Variants in LYAR observed in about 807,000 individuals in gnomAD.
LYAR encodes the protein Ly1 antibody reactive.
A neutral mutation model predicts 45.2 loss-of-function variants in LYAR; 37 were observed. That is an observed-to-expected ratio of 0.82 (90% CI 0.63 to 1.08). The LOEUF is 1.08. Among genes scored for constraint, LYAR ranks in the 50% least tolerant of loss-of-function variants. The probability of loss-of-function intolerance (pLI) is 0.00; values close to 1 mark genes in which losing one functional copy is unlikely to be tolerated. For synonymous variants in LYAR, 176 were observed against 155.1 expected (o/e 1.14, Z -1.00); for missense variants, 493 against 451.0 (o/e 1.09, Z -0.84).
At chr4:4,274,799 T>C (rs1022672738) in intron 6 of LYAR, 30 bp from the exon 7 acceptor site, 28 of 1,565,408 alleles carry the variant, frequency 1.8e-5, no homozygotes, top group Non-Finnish European at 2.3e-5. Context: ...AAGAAACACA[T>C]ATTCATTTTA....
At chr4:4,288,486 CTTT>C (rs11338207) in intron 1 of LYAR, among the ~76,000 whole-genome samples, 3 of 121,012 alleles carry the variant, frequency 2.5e-5, no homozygotes, top group Admixed American at 8.2e-5. Flanking sequence ...AATTTTTTTT[CTTT>C]TTTTTTTTTT....
intron 2 of LYAR, among the ~76,000 whole-genome samples, chr4:4,284,051 C>T (rs1400800335): frequency 6.6e-6 from 1 of 152,226 alleles, no homozygotes; most frequent in Non-Finnish European, 1.5e-5. Flanking sequence ...TCAATCCCCG[C>T]AGTAACCCTA....
chr4:4,270,534 TA>T (rs201602225), intron 8 of LYAR, among the ~76,000 whole-genome samples: 1,102 of 109,504 alleles, frequency 0.01, 6 homozygotes, highest in South Asian at 0.029. Context: ...TCTCAACAGT[TA>T]AAAAAAAAAA....
chr4:4,276,852 G>A (rs778736126), intron 6 of LYAR, among the ~76,000 whole-genome samples: 3 of 152,006 alleles, frequency 2.0e-5, no homozygotes, highest in African/African-American at 4.8e-5. Flanking sequence ...GTGAGACTCC[G>A]TCTCAAAAGA....
chr4:4,276,462 G>C (rs1160804285), intron 6 of LYAR, among the ~76,000 whole-genome samples: 2 of 151,622 alleles, frequency 1.3e-5, no homozygotes, highest in Admixed American at 1.3e-4. Context: ...AGAATCACTT[G>C]AACCCGGAAG....
At chr4:4,268,140 C>G (rs924680416) in intron 9 of LYAR, 117 bp from the exon 10 acceptor site, 2 of 943,256 alleles carry the variant, frequency 2.1e-6, no homozygotes, top group Non-Finnish European at 1.5e-6. Flanking sequence ...CAGGAGCAAG[C>G]GACACCGGCG....
intron 6 of LYAR, among the ~76,000 whole-genome samples, chr4:4,276,755 G>T (rs1331597094): frequency 6.6e-6 from 1 of 151,626 alleles, no homozygotes; most frequent in African/African-American, 2.4e-5. Context: ...TACTCGGGGG[G>T]CTGGGACAGG....
At chr4:4,286,236 C>T (rs550946357) in intron 2 of LYAR, among the ~76,000 whole-genome samples, 400 of 152,274 alleles carry the variant, frequency 2.6e-3, no homozygotes, top group Non-Finnish European at 4.7e-3. Context: ...GACAGTCCAG[C>T]ACCTTGATTA....
At chr4:4,273,503 C>G in intron 8 of LYAR, 80 bp downstream of exon 8, 1 of 997,438 alleles carries the variant, frequency 1.0e-6, no homozygotes, top group Non-Finnish European at 1.6e-6. Context: ...ACCCTCCTGC[C>G]CCTGCCTCTG....
At chr4:4,282,413 A>T (rs79579682) in intron 3 of LYAR, among the ~76,000 whole-genome samples, 2,751 of 152,294 alleles carry the variant, frequency 0.018, 73 homozygotes, top group African/African-American at 0.061. Context: ...GGGGTTCTTC[A>T]GGGAAATGTT....
chr4:4,288,199 C>T lies in LYAR; in HGVS notation c.-107-1627G>A, dbSNP rs527713610. Among the ~76,000 whole-genome samples, 15 of 152,274 alleles carry T rather than the reference C, an allele frequency of 9.9e-5. 1 individual carries two copies. In the South Asian group the frequency reaches 2.9e-3, roughly 29 times the overall value. On this transcript the variant is annotated intron_variant, in intron 1 of 9. Transcript: ENST00000343470. The stretch of plus-strand genomic sequence containing the variant: ...TTAAATAAGACACCAGATATGAAAG[C>T]TTCATCCCTGCCCAATTGTAGAAAG...
chr4:4,284,502 C>G (rs1237557117), intron 2 of LYAR, among the ~76,000 whole-genome samples: 2 of 152,152 alleles, frequency 1.3e-5, no homozygotes, highest in Non-Finnish European at 2.9e-5. Flanking sequence ...GCTTGTCAGA[C>G]AAGTCAGAAA....
In LYAR at chr4:4,274,362, C is replaced by T. The variant is rs747219981; in HGVS notation, c.832+5G>A. 2 of 1,607,218 alleles carry T rather than the reference C, an allele frequency of 1.2e-6. No individual in the cohort carries two copies. The highest frequency in any genetic ancestry group is 2.2e-5 in the South Asian group (2 of 90,198). On this transcript the variant is annotated splice_donor_5th_base_variant and intron_variant, in intron 7 of 9. Transcript: ENST00000343470. ...TGAATCCCAGAGCGTGAGCTAGCCACTTACCTTCCGAGTGCCTCCGCTTCC... is the reference window on the plus strand; with the variant it reads ...TGAATCCCAGAGCGTGAGCTAGCCATTTACCTTCCGAGTGCCTCCGCTTCC...
At chr4:4,284,998 A>G (rs1376086542) in intron 2 of LYAR, among the ~76,000 whole-genome samples, 1 of 152,186 alleles carries the variant, frequency 6.6e-6, no homozygotes. Flanking sequence ...CAGTGAGGCC[A>G]CACCCAAGCA....
rs1238253667 is a variant in LYAR, at chr4:4,281,826, C to T, written c.194G>A (p.Gly65Asp). 9.3e-6 allele frequency: 15 copies of T among 1,614,166 alleles called. No homozygotes were observed. Among genetic ancestry groups the T allele is most frequent in the Non-Finnish European group, 1.3e-5 (15 of 1,179,994 alleles). Residue 65 changes from glycine (G) to aspartate (D), a missense_variant, in exon 4 of 10, where the codon GGT (glycine) becomes GAT (aspartate). Physicochemically the swap from Gly to Asp is moderately conservative, Grantham distance 94 (BLOSUM62 -1). Coordinates refer to ENST00000343470, the MANE Select transcript of LYAR (RefSeq NM_017816.3). ...TTTGATGTCGCCTTTGTGGGTTTTA[C>T]CTTCATAGCCTTTGCCACCATACTT... ...DQKYGGKGYEGKTHKGDIKQQ... is the reference protein window; with the variant it reads ...DQKYGGKGYEDKTHKGDIKQQ...
At chr4:4,268,140 C>A in intron 9 of LYAR, 117 bp from the exon 10 acceptor site, 1 of 943,256 alleles carries the variant, frequency 1.1e-6, no homozygotes, top group Non-Finnish European at 1.5e-6. Flanking sequence ...CAGGAGCAAG[C>A]GACACCGGCG....
chr4:4,279,982 G>C (rs1394213384), intron 4 of LYAR, among the ~76,000 whole-genome samples: 1 of 152,162 alleles, frequency 6.6e-6, no homozygotes, highest in Non-Finnish European at 1.5e-5. Flanking sequence ...AACTGCAAAG[G>C]ATGAAGTAAA....
At chr4:4,286,368 C>T (rs894933024) in intron 2 of LYAR, among the ~76,000 whole-genome samples, 151 bp downstream of exon 2, 2 of 152,354 alleles carry the variant, frequency 1.3e-5, no homozygotes, top group East Asian at 3.9e-4. Context: ...AACTGCACAG[C>T]AGACAGGGTG....
intron 4 of LYAR, among the ~76,000 whole-genome samples, chr4:4,279,983 A>T (rs1719335165): frequency 6.6e-6 from 1 of 152,240 alleles, no homozygotes; most frequent in South Asian, 2.1e-4. Flanking sequence ...ACTGCAAAGG[A>T]TGAAGTAAAA....
Sources: allele counts gnomAD v4.1 joint callset (sites outside exome capture counted in the v4.1 genomes callset), GRCh38; gene constraint gnomAD v4.1.1; transcripts MANE v1.5; gene names NCBI Gene and HGNC (gene_info 2026-07-23, HGNC 2026-07-21).